The following PDE1C variants were observed in gnomAD, a reference collection of about 807,000 sequenced individuals.
The protein encoded by PDE1C is phosphodiesterase 1C, also known as dual specificity calcium/calmodulin-dependent 3',5'-cyclic nucleotide phosphodiesterase 1C.
Under a neutral mutation model 93.1 loss-of-function variants are expected in PDE1C, and 62 were observed. That is an observed-to-expected ratio of 0.67 (90% CI 0.54 to 0.82). The LOEUF (loss-of-function observed/expected upper bound fraction) is 0.82. Ranked by LOEUF, PDE1C falls within the 40% of genes least tolerant of loss-of-function variation. PDE1C has a pLI of 0.00. For missense variants in PDE1C, 742 were observed against 884.6 expected (o/e 0.84, Z 2.04); for synonymous variants, 325 against 310.1 (o/e 1.05, Z -0.50).
intron 2 of PDE1C, among the ~76,000 whole-genome samples, chr7:31,925,167 C>CT (rs1563043038): frequency 6.6e-6 from 1 of 151,198 alleles, no homozygotes; most frequent in East Asian, 2.0e-4. Flanking sequence ...TGAAGAATTT[C>CT]TTTAAACAGA....
chr7:31,945,849 G>A (rs1471069391), intron 2 of PDE1C, among the ~76,000 whole-genome samples: 1 of 151,972 alleles, frequency 6.6e-6, no homozygotes, highest in African/African-American at 2.4e-5. Context: ...AGGGTGTTTT[G>A]TTCCATTTTT....
At chr7:32,067,122 C>T (rs1325079684) in intron 1 of PDE1C, among the ~76,000 whole-genome samples, 2 of 151,224 alleles carry the variant, frequency 1.3e-5, no homozygotes, top group Non-Finnish European at 3.0e-5. Flanking sequence ...GTCTATAATC[C>T]CAGCTAAGAT....
At chr7:32,082,782 A>T (rs1420264185) in intron 3 of PDE1C, among the ~76,000 whole-genome samples, 4 of 152,236 alleles carry the variant, frequency 2.6e-5, no homozygotes, top group African/African-American at 9.6e-5. Flanking sequence ...GCAGACCTGC[A>T]GCTGAGGGTC....
At chr7:31,816,725 C>T (rs1788316174) in intron 14 of PDE1C, among the ~76,000 whole-genome samples, 1 of 152,072 alleles carries the variant, frequency 6.6e-6, no homozygotes, top group South Asian at 2.1e-4. Context: ...AAGACAAACA[C>T]ACTGAGGACA....
rs112359216 is a variant in PDE1C at position 32,064,738 on chromosome 7, C to T, written c.101+5555G>A. Among the ~76,000 whole-genome samples the T allele has an allele frequency of 6.3e-3, 955 of 152,206 alleles. 9 individuals carry two copies. The highest frequency in any genetic ancestry group is 0.021 in the African/African-American group (889 of 41,522). On this transcript the variant is annotated intron_variant, in intron 1 of 17. Coordinates refer to ENST00000396191, the MANE Select transcript of PDE1C (RefSeq NM_001191057.4). Reference sequence around the variant, plus strand: ...ATGAAAGAACACCTAGAACACAGCACTTTTTTGTTGTATAGTAAAATGTGT... The same window carrying T: ...ATGAAAGAACACCTAGAACACAGCATTTTTTTGTTGTATAGTAAAATGTGT...
intron 2 of PDE1C, among the ~76,000 whole-genome samples, chr7:32,194,314 T>G (rs973946532): frequency 6.6e-6 from 1 of 152,230 alleles, no homozygotes; most frequent in Non-Finnish European, 1.5e-5. Flanking sequence ...ATCTGCATGG[T>G]CTGTGGTGAT....
At chr7:32,168,606 A>G (rs535629521) in intron 3 of PDE1C, among the ~76,000 whole-genome samples, 2 of 152,326 alleles carry the variant, frequency 1.3e-5, no homozygotes, top group Non-Finnish European at 2.9e-5. Flanking sequence ...CAGGTTCATA[A>G]GACGTATTCT....
At chr7:31,646,574 G>T in the PDE1C span, among the ~76,000 whole-genome samples, 4 of 152,244 alleles carry the variant, frequency 2.6e-5, no homozygotes, top group South Asian at 8.3e-4. Flanking sequence ...GTGTGGACCC[G>T]AGCTCTTCTT....
downstream of PDE1C, among the ~76,000 whole-genome samples, chr7:31,748,113 C>T (rs1583913993): frequency 6.8e-6 from 1 of 147,330 alleles, no homozygotes. Context: ...CTGAAGTTAG[C>T]TTAGCCTACA....
chr7:32,336,341 T>C (rs562122637), intron 1 of PDE1C, among the ~76,000 whole-genome samples: 1 of 152,328 alleles, frequency 6.6e-6, no homozygotes, highest in Admixed American at 6.5e-5. Flanking sequence ...AGTTCAACTT[T>C]AGCAGCATCT....
At chr7:31,674,785 A>G in the PDE1C span, among the ~76,000 whole-genome samples, 13 of 152,310 alleles carry the variant, frequency 8.5e-5, no homozygotes, top group African/African-American at 3.1e-4. Flanking sequence ...AAATACTTAA[A>G]TGGGAGGGCA....
chr7:32,251,848 T>C (rs191433056), intron 1 of PDE1C, among the ~76,000 whole-genome samples: 3 of 152,338 alleles, frequency 2.0e-5, no homozygotes, highest in Admixed American at 6.5e-5. Context: ...AGGTTGGCCA[T>C]GGCCATCAGC....
chr7:32,364,818 AC>A (rs1275803476), intron 1 of PDE1C, among the ~76,000 whole-genome samples: 5 of 152,138 alleles, frequency 3.3e-5, no homozygotes, highest in African/African-American at 1.2e-4. Context: ...CCAATCCCAC[AC>A]TGGTAGCTGA....
the PDE1C span, chr7:31,643,323 T>C: frequency 6.2e-7 from 1 of 1,613,908 alleles, no homozygotes; most frequent in Non-Finnish European, 8.5e-7. Context: ...AAATCACACC[T>C]TATGCAACTG....
intron 1 of PDE1C, among the ~76,000 whole-genome samples, chr7:32,416,782 G>A (rs867277935): frequency 6.6e-6 from 1 of 152,104 alleles, no homozygotes; most frequent in African/African-American, 2.4e-5. Flanking sequence ...AAGAGTCTGG[G>A]GGTCAAGTCT....
At chr7:31,894,679 A>G (rs963344392) in intron 2 of PDE1C, among the ~76,000 whole-genome samples, 9 of 152,196 alleles carry the variant, frequency 5.9e-5, no homozygotes, top group Non-Finnish European at 7.3e-5. Context: ...GGCCTGGGTG[A>G]TCTACCATTT....
intron 7 of PDE1C, 178 bp from the exon 8 acceptor site, chr7:31,850,919 G>A (rs1793247663): frequency 1.7e-6 from 1 of 581,752 alleles, no homozygotes; most frequent in South Asian, 2.0e-5. Context: ...GGAGACTTGT[G>A]ATTTGTTAAC....
chr7:31,799,577 A>G (rs1785735487), intron 16 of PDE1C, among the ~76,000 whole-genome samples: 1 of 151,716 alleles, frequency 6.6e-6, no homozygotes, highest in African/African-American at 2.4e-5. Context: ...AAAAAAGAAA[A>G]AAACAGAAAA....
chr7:32,245,325 C>T (rs1808845616), intron 1 of PDE1C, among the ~76,000 whole-genome samples: 1 of 152,290 alleles, frequency 6.6e-6, no homozygotes, highest in Non-Finnish European at 1.5e-5. Context: ...CCTAAAATGC[C>T]CTCCAATCCT....
Sources: gnomAD v4.1 joint callset for allele counts (sites outside exome capture counted in the v4.1 genomes callset) on GRCh38, gnomAD v4.1.1 for gene constraint, MANE v1.5 for transcripts, NCBI Gene and HGNC (gene_info 2026-07-23, HGNC 2026-07-21) for gene names.